Variants in THBS2 observed in about 807,000 individuals in gnomAD.
THBS2 encodes thrombospondin-2.
Under a neutral mutation model 135.2 loss-of-function variants are expected in THBS2, and 47 were observed. The observed-to-expected ratio is 0.35, with a 90% confidence interval of 0.28 to 0.44. The LOEUF is 0.44. Ranked by LOEUF, THBS2 falls within the 20% of genes least tolerant of loss-of-function variation. THBS2 has a pLI of 1.00. For missense variants in THBS2, 1,288 were observed against 1,603.1 expected (o/e 0.80, Z 3.36); for synonymous variants, 639 against 633.8 (o/e 1.01, Z -0.12).
Position 169,241,402 on chromosome 6 carries a change from T to G in THBS2, c.891+360A>C, listed in dbSNP as rs1362732845. Among the ~76,000 whole-genome samples the G allele has an allele frequency of 4.4e-5, 5 of 113,264 alleles. No individual in the cohort carries two copies. Among genetic ancestry groups the G allele is most frequent in the African/African-American group, 1.4e-4 (5 of 35,648 alleles). The allele number at this position is 113,264 out of a possible 152,430, so 74.3% of individuals were successfully genotyped here. A position where few individuals can be genotyped will look rare whatever the true frequency, so the allele number is the denominator to read the frequency against. On this transcript the variant is annotated intron_variant, in intron 5 of 21. Transcript: ENST00000617924. The surrounding 1 kb of genome is among the most constrained non-coding windows in gnomAD (Gnocchi z 5.5). ...AAATAAAATTATTTTCCTCTGCAGG[T>G]GTGTGTGTGTGTGTATGTGTGTGTA...
In THBS2 at chr6:169,232,780, T is replaced by C. The variant is rs761546112; in HGVS notation, c.1816A>G (p.Lys606Glu). 2 of 1,613,910 alleles carry C rather than the reference T, an allele frequency of 1.2e-6. No individual in the cohort carries two copies. The highest frequency in any genetic ancestry group is 1.1e-5 in the South Asian group (1 of 91,072). The change falls in exon 12 of 22, where the codon AAG (lysine) becomes GAG (glutamate). Residue 606 changes from lysine to glutamate, a missense_variant. Physicochemically the swap from Lys to Glu is moderately conservative, Grantham distance 56. Around this residue, in one of 2 missense-constraint regions of THBS2, gnomAD observed 874 missense variants for 1,156.1 expected, o/e 0.76. Coordinates refer to ENST00000617924, the MANE Select transcript of THBS2 (RefSeq NM_003247.5). The part of the protein sequence containing the change: ...LVPDICFSTS[K>E]VPRCVNTQPG... ...TGAGTGTTGACACAGCGAGGCACCT[T>C]GCTGGTGGAGAAGCAGATGTCGGGG...
At position 169,229,657 on chromosome 6, in the gene THBS2, T is replaced by G. The variant is rs1397590262; in HGVS notation, c.2174A>C (p.Asn725Thr). The change falls in exon 14 of 22, where the codon AAT becomes ACT. Residue 725 changes from asparagine to threonine, a missense_variant. Asn to Thr is a moderately conservative substitution (Grantham distance 65). This residue lies in a region of THBS2 where 874 missense variants were observed against 1,156.1 expected (regional missense o/e 0.76). Coordinates refer to ENST00000617924, the MANE Select transcript of THBS2 (RefSeq NM_003247.5). The part of the protein sequence containing the change: ...CIKDNCPHLP[N>T]SGQEDFDKDG... ...CTTGTCAAAGTCTTCCTGCCCAGAA[T>G]TTGGCAGATGGGGGCAGTTATCCTG... is the stretch of plus-strand genomic sequence containing the variant. 11 of 1,613,926 alleles carry G rather than the reference T, an allele frequency of 6.8e-6. No individual in the cohort carries two copies. The highest frequency in any genetic ancestry group is 1.3e-5 in the African/African-American group (1 of 74,932).
At chr6:169,231,945 G>C in intron 13 of THBS2, 35 bp downstream of exon 13, 1 of 1,606,380 alleles carries the variant, frequency 6.2e-7, no homozygotes, top group Non-Finnish European at 8.5e-7. Flanking sequence ...GCTGACCGCC[G>C]TGGCCCCGTG....
At position 169,225,181 on chromosome 6, in the gene THBS2, G is replaced by A. The variant is rs142602633; in HGVS notation, c.2737C>T (p.Arg913Trp). ...TCCTGGTCTGGGTTGAACACAAGCC[G>A]GCAGTTGTCCCTGTCATCGGGGACG... ...DGVPDDRDNC[R>W]LVFNPDQEDL... The change falls in exon 17 of 22, where the codon CGG (arginine) becomes TGG (tryptophan). Residue 913 changes from arginine to tryptophan, a missense_variant. Physicochemically the swap from Arg to Trp is moderately radical, Grantham distance 101 (BLOSUM62 -3). Transcript: ENST00000617924. 22 of 1,614,074 alleles carry A rather than the reference G, an allele frequency of 1.4e-5. No individual in the cohort carries two copies. Among genetic ancestry groups the A allele is most frequent in the African/African-American group, 9.3e-5 (7 of 74,938 alleles).
At position 169,246,234 on chromosome 6, in the gene THBS2, A is replaced by G. The variant is rs1336393008; in HGVS notation, c.657T>C (p.Asp219=). The G allele has an allele frequency of 3.7e-6, 6 of 1,613,894 alleles. No individual in the cohort carries two copies. The highest frequency in any genetic ancestry group is 5.1e-6 in the Non-Finnish European group (6 of 1,180,016). Residue 219 remains aspartate (D), a synonymous_variant, in exon 4 of 22, where the codon GAT becomes GAC. Transcript: ENST00000617924. ...GCTGGCAACCCTTCTTGCTTAGAAT[A>G]TCTTCCACAGAGTTTTCAAACACTA... ...VHLVFENSVE[D]ILSKKGCQQG...
Position 169,237,355 on chromosome 6 carries a change from AGAAGCG to A in THBS2, c.1301-15_1301-10del, listed in dbSNP as rs1391424511. The A allele has an allele frequency of 6.2e-7, 1 of 1,613,016 alleles. No homozygotes were observed. ...GCCGCCGTCCTGCCGGACTAACACAAGAAGCGGAGAGAGATCAGGCTGTGCCGCCTA... is the reference window on the plus strand; with the variant it reads ...GCCGCCGTCCTGCCGGACTAACACAAGAGAGAGATCAGGCTGTGCCGCCTA... On this transcript the variant is annotated splice_polypyrimidine_tract_variant and intron_variant, in intron 8 of 21. Transcript: ENST00000617924.
chr6:169,238,999 CA>C (rs1317956690), intron 7 of THBS2, among the ~76,000 whole-genome samples: 22 of 152,010 alleles, frequency 1.4e-4, no homozygotes, highest in Non-Finnish European at 4.4e-5. Flanking sequence ...GAACTCGGGG[CA>C]GGGGTGGGAG....
At position 169,225,453 on chromosome 6, in the gene THBS2, A is replaced by G. The variant is rs1381387714; in HGVS notation, c.2539-74T>C. The G allele has an allele frequency of 3.5e-6, 5 of 1,437,292 alleles. No individual in the cohort carries two copies. In the East Asian group the frequency reaches 1.2e-4, roughly 36 times the overall value. 89.0% of individuals were successfully genotyped at this position (1,437,292 alleles called of 1,614,324 possible). On this transcript the variant is annotated intron_variant, in intron 16 of 21. Coordinates refer to ENST00000617924, the MANE Select transcript of THBS2 (RefSeq NM_003247.5). ...AGGTGGAGAGGAACCAGCAGGACGC[A>G]AGCCTGAGAGCCGGCCTCCTCGTCC... is the stretch of plus-strand genomic sequence containing the variant.
Position 169,241,674 on chromosome 6 carries a change from G to A in THBS2, c.891+88C>T. The A allele has an allele frequency of 7.2e-7, 1 of 1,384,780 alleles. No homozygotes were observed. Among genetic ancestry groups the A allele is most frequent in the Non-Finnish European group, 9.9e-7 (1 of 1,012,276 alleles). The allele number at this position is 1,384,780 out of a possible 1,614,324, so 85.8% of individuals were successfully genotyped here. ...TACATCGAGCATGAGGCACTGCCAA[G>A]CCAGGGAATGTTGATACCTGCTGAG... On this transcript the variant is annotated intron_variant, in intron 5 of 21. Coordinates refer to ENST00000617924, the MANE Select transcript of THBS2 (RefSeq NM_003247.5). This position sits in a 1 kb window ranked among gnomAD's most constrained non-coding sequence, Gnocchi z 5.5.
At position 169,222,202 on chromosome 6, in the gene THBS2, C is replaced by A; in HGVS notation, c.3268G>T (p.Gly1090Trp). The A allele has an allele frequency of 6.2e-7, 1 of 1,603,358 alleles. No homozygotes were observed. The highest frequency in any genetic ancestry group is 8.5e-7 in the Non-Finnish European group (1 of 1,175,440). ...NALWHTGNTP[G>W]QVRTLWHDPR... The stretch of plus-strand genomic sequence containing the variant: ...GCCTGGCCAGCCAACCTCACCTGCC[C>A]CGGCGTGTTCCCCGTGTGCCACAGC... Residue 1090 changes from glycine (G) to tryptophan (W), a missense_variant, in exon 19 of 22, where the codon GGG becomes TGG. This residue lies in a region of THBS2 where 874 missense variants were observed against 1,156.1 expected (regional missense o/e 0.76). Coordinates refer to ENST00000617924, the MANE Select transcript of THBS2 (RefSeq NM_003247.5).
chr6:169,231,895 C>A (rs899351935), intron 13 of THBS2, 85 bp downstream of exon 13: 38 of 1,442,044 alleles, frequency 2.6e-5, no homozygotes, highest in Non-Finnish European at 3.4e-5. Context: ...GTGCTGCCCC[C>A]GCCCCCCGTC....
chr6:169,247,790 A>G (rs2115032968), intron 3 of THBS2, among the ~76,000 whole-genome samples: 1 of 149,036 alleles, frequency 6.7e-6, no homozygotes, highest in Non-Finnish European at 1.5e-5. Flanking sequence ...GTATGTGCAC[A>G]CGTCTGTGAA....
chr6:169,218,439 G>A (rs1779269739), intron 21 of THBS2, among the ~76,000 whole-genome samples: 3 of 148,560 alleles, frequency 2.0e-5, no homozygotes, highest in South Asian at 4.3e-4. Flanking sequence ...ATGAGTGGGT[G>A]GGTGGGTGGC....
intron 16 of THBS2, 72 bp from the exon 17 acceptor site, chr6:169,225,451 G>T (rs746138130): frequency 1.4e-6 from 2 of 1,435,924 alleles, no homozygotes; most frequent in Non-Finnish European, 1.9e-6. Context: ...CCAGCAGGAC[G>T]CAAGCCTGAG....
chr6:169,231,086 T>C (rs955084578), intron 13 of THBS2, among the ~76,000 whole-genome samples: 1 of 152,166 alleles, frequency 6.6e-6, no homozygotes, highest in African/African-American at 2.4e-5. Flanking sequence ...GTCCGCGTCC[T>C]AGTGTCTTGG....
chr6:169,237,083 A>C (rs1583414482), intron 9 of THBS2, 87 bp downstream of exon 9: 2 of 1,460,868 alleles, frequency 1.4e-6, no homozygotes, highest in Non-Finnish European at 1.8e-6. Context: ...AGGCCCTGAC[A>C]CCCCGGATCC....
chr6:169,219,486 A>G (rs1344428983), intron 21 of THBS2, among the ~76,000 whole-genome samples: 1 of 152,108 alleles, frequency 6.6e-6, no homozygotes, highest in Non-Finnish European at 1.5e-5. Flanking sequence ...ATCCTAACAT[A>G]AGGAGAAGAA....
intron 14 of THBS2, among the ~76,000 whole-genome samples, chr6:169,228,605 C>G (rs1779723298): frequency 6.6e-6 from 1 of 151,624 alleles, no homozygotes. Context: ...CGCAGTGGCT[C>G]ACACCTTTAA....
At chr6:169,223,895 AT>A (rs1779523910) in intron 17 of THBS2, among the ~76,000 whole-genome samples, 1 of 152,160 alleles carries the variant, frequency 6.6e-6, no homozygotes, top group African/African-American at 2.4e-5. Context: ...TCTATTTGGC[AT>A]TAAAGCGGAA....
Sources: gnomAD v4.1 joint callset for allele counts (sites outside exome capture counted in the v4.1 genomes callset) on GRCh38, gnomAD v4.1.1 for gene constraint, gnomAD v4.1.1 regional missense constraint, Gnocchi (gnomAD v3.1) non-coding constraint, MANE v1.5 for transcripts, NCBI Gene and HGNC (gene_info 2026-07-23, HGNC 2026-07-21) for gene names.